PHF21B: variants seen among roughly 807,000 people sequenced by gnomAD.
The protein encoded by PHF21B is PHD finger protein 21B, also known as PHD finger protein 4.
A neutral mutation model predicts 62.2 loss-of-function variants in PHF21B; 22 were observed. The ratio of observed to expected loss-of-function variants is 0.35; its 90% confidence interval spans 0.25 to 0.51. PHF21B has a LOEUF of 0.51. Among genes scored for constraint, PHF21B ranks in the 20% least tolerant of loss-of-function variants. PHF21B has a pLI of 0.97. For synonymous variants in PHF21B, 341 were observed against 314.7 expected (o/e 1.08, Z -0.88); for missense variants, 701 against 707.9 (o/e 0.99, Z 0.11).
chr22:44,939,030 C>A (rs2147358418), intron 2 of PHF21B, among the ~76,000 whole-genome samples: 1 of 152,364 alleles, frequency 6.6e-6, no homozygotes, highest in Non-Finnish European at 1.5e-5. Context: ...CACGGCGCCT[C>A]CAGTGCGTGA....
intron 2 of PHF21B, among the ~76,000 whole-genome samples, chr22:44,972,039 CT>C: frequency 6.6e-6 from 1 of 152,344 alleles, no homozygotes; most frequent in East Asian, 1.9e-4. Context: ...ACCGGCTGCA[CT>C]GAATGCTTTA....
chr22:44,924,329 G>C (rs9614984), intron 2 of PHF21B, among the ~76,000 whole-genome samples: 1 of 152,000 alleles, frequency 6.6e-6, no homozygotes, highest in Non-Finnish European at 1.5e-5. Context: ...CACTGCTGTC[G>C]GGAACATAAA....
chr22:44,888,044 C>T lies in PHF21B; in HGVS notation c.1116G>A (p.Gly372=). Residue 372 remains glycine (G), a synonymous_variant, in exon 10 of 13, where the codon GGG becomes GGA. Transcript: ENST00000313237. ...GCTCCAGGCAGCTGAGGTGGTAGGCCCCCGGGCAGGTGCCGCAGGGCTGCA... is the reference window on the plus strand; with the variant it reads ...GCTCCAGGCAGCTGAGGTGGTAGGCTCCCGGGCAGGTGCCGCAGGGCTGCA... ...ANLQPCGTCP[G]AYHLSCLEPP... 2 of 1,556,328 alleles carry T rather than the reference C, an allele frequency of 1.3e-6. No homozygotes were observed. Among genetic ancestry groups the T allele is most frequent in the Non-Finnish European group, 1.7e-6 (2 of 1,150,706 alleles).
intron 2 of PHF21B, among the ~76,000 whole-genome samples, chr22:44,957,956 G>A (rs1049165835): frequency 3.3e-5 from 5 of 150,648 alleles, no homozygotes; most frequent in Non-Finnish European, 7.4e-5. Context: ...AGGCTGGAGT[G>A]CAATGGCGCG....
At chr22:44,981,629 G>A (rs2072843568) in intron 2 of PHF21B, among the ~76,000 whole-genome samples, 1 of 152,204 alleles carries the variant, frequency 6.6e-6, no homozygotes, top group African/African-American at 2.4e-5. Context: ...GTGAAGAGTG[G>A]ACCTGAGAAT....
chr22:44,968,531 C>T (rs541045518), intron 2 of PHF21B, among the ~76,000 whole-genome samples: 1 of 151,714 alleles, frequency 6.6e-6, no homozygotes, highest in Admixed American at 6.6e-5. Context: ...GTAATGCCAG[C>T]TACTCAGGAG....
intron 2 of PHF21B, among the ~76,000 whole-genome samples, chr22:44,993,248 G>A (rs2073069620): frequency 6.6e-6 from 1 of 152,198 alleles, no homozygotes; most frequent in African/African-American, 2.4e-5. Flanking sequence ...GAGACACTGA[G>A]CCCAGACCAA....
Position 45,009,463 on chromosome 22 carries a change from C to A in PHF21B, c.54+33G>T, listed in dbSNP as rs2073385411. On this transcript the variant is annotated intron_variant, in intron 1 of 12. Coordinates refer to ENST00000313237, the MANE Select transcript of PHF21B (RefSeq NM_138415.5). This position sits in a 1 kb window ranked among gnomAD's most constrained non-coding sequence, Gnocchi z 5.9. ...CGACCCCCTCACCCCGCAACACACT[C>A]CCCGGCCCCGGGCCCGGCCCCCGGC... The A allele has an allele frequency of 1.3e-6, 2 of 1,522,888 alleles. No individual in the cohort carries two copies. Among genetic ancestry groups the A allele is most frequent in the East Asian group, 2.5e-5 (1 of 39,738 alleles). 94.3% of individuals were successfully genotyped at this position (1,522,888 alleles called of 1,614,324 possible).
intron 3 of PHF21B, among the ~76,000 whole-genome samples, chr22:44,917,573 C>A (rs1288514406): frequency 7.9e-5 from 12 of 152,200 alleles, no homozygotes; most frequent in Admixed American, 7.8e-4. Flanking sequence ...CTCATCTGAA[C>A]CCCGCTGCGC....
chr22:44,891,209 G>A (rs879054849), intron 8 of PHF21B, 97 bp downstream of exon 8: 17 of 1,390,344 alleles, frequency 1.2e-5, no homozygotes, highest in African/African-American at 1.4e-5. Context: ...AGTGGGAGGC[G>A]GGCAGCCCTG....
rs79834698 is a variant in PHF21B at position 44,881,933 on chromosome 22, C to T, written c.*1153G>A. ...ACCGCCCTTTCTTTCCTCCCCAACC[C>T]TCCACCCGGCTCGTAAAAAACCTGC... On this transcript the variant is annotated 3_prime_UTR_variant, in exon 13 of 13. Coordinates refer to ENST00000313237, the MANE Select transcript of PHF21B (RefSeq NM_138415.5). 0.025 allele frequency: 3,758 copies of T among 152,678 alleles called. 93 individuals are homozygous for T. The highest frequency in any genetic ancestry group is 0.064 in the East Asian group (331 of 5,160). 9.5% of individuals were successfully genotyped at this position (152,678 alleles called of 1,614,324 possible). A position where few individuals can be genotyped will look rare whatever the true frequency, so the allele number is the denominator to read the frequency against.
At chr22:44,914,243 CCT>C (rs575889358) in intron 4 of PHF21B, among the ~76,000 whole-genome samples, 155 bp from the exon 5 acceptor site, 153 of 152,198 alleles carry the variant, frequency 1.0e-3, no homozygotes, top group African/African-American at 3.5e-3. Context: ...GGTTTGCGCC[CCT>C]GTCTGTCTAG....
intron 2 of PHF21B, among the ~76,000 whole-genome samples, chr22:44,990,659 A>C (rs1266878928): frequency 6.6e-6 from 1 of 152,246 alleles, no homozygotes; most frequent in Non-Finnish European, 1.5e-5. Flanking sequence ...GATGCCGGCT[A>C]CCAGGAGCCT....
intron 11 of PHF21B, 92 bp downstream of exon 11, chr22:44,885,771 C>A: frequency 1.5e-6 from 2 of 1,338,756 alleles, no homozygotes; most frequent in South Asian, 2.6e-5. Context: ...AATGGACCCA[C>A]CTGTCCTCCC....
At chr22:44,921,409 C>T (rs192363380) in intron 2 of PHF21B, among the ~76,000 whole-genome samples, 16 of 152,010 alleles carry the variant, frequency 1.1e-4, no homozygotes, top group African/African-American at 2.9e-4. Context: ...GCTCTGTCCC[C>T]AGGCTGGAGT....
intron 5 of PHF21B, among the ~76,000 whole-genome samples, chr22:44,910,945 C>A (rs11090710): frequency 0.13 from 20,510 of 152,178 alleles, 1,924 homozygotes; most frequent in African/African-American, 0.27. Flanking sequence ...CTTTCACAAA[C>A]ATGCTGATAG....
intron 2 of PHF21B, among the ~76,000 whole-genome samples, chr22:44,962,677 T>G (rs1167043489): frequency 6.6e-6 from 1 of 152,150 alleles, no homozygotes; most frequent in African/African-American, 2.4e-5. Context: ...CTCTGACAAA[T>G]ACAAGCTGGG....
chr22:44,958,598 ATTTTTTTTTTTTTT>A (rs59943293), intron 2 of PHF21B, among the ~76,000 whole-genome samples: 1 of 75,886 alleles, frequency 1.3e-5, no homozygotes, highest in East Asian at 4.8e-4. Flanking sequence ...CCTTCCTTTG[ATTTTTTTTTTTTTT>A]TTTTTTTTTT....
chr22:44,920,289 G>GT, intron 3 of PHF21B, 109 bp downstream of exon 3: 1 of 747,422 alleles, frequency 1.3e-6, no homozygotes, highest in South Asian at 2.6e-5. Flanking sequence ...GAGGGCACGA[G>GT]TTCCGCCTGG....
Sources: gnomAD v4.1 joint callset for allele counts (sites outside exome capture counted in the v4.1 genomes callset) on GRCh38, gnomAD v4.1.1 for gene constraint, Gnocchi (gnomAD v3.1) non-coding constraint, MANE v1.5 for transcripts, NCBI Gene and HGNC (gene_info 2026-07-23, HGNC 2026-07-21) for gene names.